RIOK1: variants seen among roughly 807,000 people sequenced by gnomAD.
The protein encoded by RIOK1 is RIO kinase 1.
A neutral mutation model predicts 73.5 loss-of-function variants in RIOK1; 66 were observed. The ratio of observed to expected loss-of-function variants is 0.90; its 90% CI spans 0.74 to 1.10. The LOEUF is 1.10. RIOK1 is among the 50% of genes least tolerant of loss of function. The probability of loss-of-function intolerance (pLI) is 0.00; values close to 1 mark genes in which losing one functional copy is unlikely to be tolerated. For missense variants in RIOK1, 658 were observed against 699.8 expected, an observed-to-expected ratio of 0.94 and a Z score of 0.67; for synonymous variants, 224 against 226.8, an observed-to-expected ratio of 0.99 and a Z score of 0.11.
Position 7,400,035 on chromosome 6 carries a change from G to A in RIOK1, c.481-923G>A, listed in dbSNP as rs935836409. Among the ~76,000 whole-genome samples, 6 of 152,198 alleles carry A rather than the reference G, an allele frequency of 3.9e-5. No individual in the cohort carries two copies. The East Asian group carries it at 1.2e-3, about 29-fold the overall frequency. On this transcript the variant is annotated intron_variant, in intron 5 of 16. Transcript: ENST00000379834. ...TTATTGGTTGGTATCCTTAGAAATT[G>A]CATACAAATATTTGGCTGCTTTAGT...
chr6:7,411,637 G>C (rs1761885031), intron 14 of RIOK1, 186 bp downstream of exon 14: 1 of 558,354 alleles, frequency 1.8e-6, no homozygotes, highest in Admixed American at 3.4e-5. Context: ...TGGAATTTAT[G>C]AGAGGAGGTA....
chr6:7,404,048 AT>A, intron 9 of RIOK1, 21 bp downstream of exon 9: 1 of 1,473,774 alleles, frequency 6.8e-7, no homozygotes, highest in Non-Finnish European at 9.5e-7. Flanking sequence ...GGAAGGGCTA[AT>A]AATTGCATTC....
At chr6:7,396,510 C>G (rs1477996985) in intron 3 of RIOK1, among the ~76,000 whole-genome samples, 193 bp from the exon 4 acceptor site, 1 of 152,070 alleles carries the variant, frequency 6.6e-6, no homozygotes, top group South Asian at 2.1e-4. Context: ...GTGACACTTA[C>G]GAAGGAAACG....
intron 8 of RIOK1, 22 bp downstream of exon 8, chr6:7,402,919 A>G (rs1275787665): frequency 2.5e-6 from 4 of 1,607,016 alleles, no homozygotes; most frequent in Admixed American, 1.7e-5. Flanking sequence ...GGATGTGTGT[A>G]TGTCTGTCCT....
chr6:7,393,162 C>G lies in RIOK1; in HGVS notation c.135C>G (p.Asp45Glu). 11 of 1,613,222 alleles carry G rather than the reference C, an allele frequency of 6.8e-6. No individual in the cohort carries two copies. Among genetic ancestry groups the G allele is most frequent in the Non-Finnish European group, 8.5e-6 (10 of 1,179,490 alleles). The change falls in exon 2 of 17, where the codon GAC (aspartate) becomes GAG (glutamate). Residue 45 changes from aspartate (D) to glutamate (E), a missense_variant. Asp to Glu is a conservative substitution (Grantham distance 45). Coordinates refer to ENST00000379834, the MANE Select transcript of RIOK1 (RefSeq NM_031480.3). ...ACATTCTGTTTGAAGACCTTCAAGA[C>G]AATGTGAATGAGAATGGTGAAGGTG... is the stretch of plus-strand genomic sequence containing the variant. ...KDDILFEDLQ[D>E]NVNENGEGEI...
chr6:7,395,314 G>C (rs1761446296), intron 3 of RIOK1, among the ~76,000 whole-genome samples, 171 bp downstream of exon 3: 1 of 152,170 alleles, frequency 6.6e-6, no homozygotes, highest in South Asian at 2.1e-4. Context: ...AGGAGTTTGA[G>C]ACCAGCCTGA....
At chr6:7,415,042 C>A (rs1341059048) in intron 16 of RIOK1, among the ~76,000 whole-genome samples, 1 of 152,116 alleles carries the variant, frequency 6.6e-6, no homozygotes. Flanking sequence ...GCAAGTAACC[C>A]TTACTTTGCT....
At chr6:7,405,068 G>C (rs572546912) in intron 11 of RIOK1, 47 bp downstream of exon 11, 1 of 1,494,970 alleles carries the variant, frequency 6.7e-7, no homozygotes, top group Non-Finnish European at 9.3e-7. Context: ...GTCTGTTTTG[G>C]TTTTGTACTC....
At chr6:7,404,312 C>A in intron 9 of RIOK1, 106 bp from the exon 10 acceptor site, 1 of 1,291,014 alleles carries the variant, frequency 7.7e-7, no homozygotes, top group Non-Finnish European at 1.1e-6. Flanking sequence ...GATTGTCCCA[C>A]ATACAGCTCA....
In RIOK1 at chr6:7,402,053, TC is replaced by T. The variant is rs1388332214; in HGVS notation, c.574-546del. 3.9e-5 allele frequency among the ~76,000 whole-genome samples: 6 copies of T among 152,332 alleles called. No individual in the cohort carries two copies. In the East Asian group the frequency reaches 1.2e-3, roughly 29 times the overall value. On this transcript the variant is annotated intron_variant, in intron 6 of 16. Coordinates refer to ENST00000379834, the MANE Select transcript of RIOK1 (RefSeq NM_031480.3). The stretch of plus-strand genomic sequence containing the variant: ...ATATAAAAAAGTTTGAAACCACTTC[TC>T]CCCTATATTTAAATTGGATTTTACT...
chr6:7,406,144 A>G (rs918538775), intron 12 of RIOK1, among the ~76,000 whole-genome samples: 3 of 151,930 alleles, frequency 2.0e-5, no homozygotes, highest in African/African-American at 7.2e-5. Flanking sequence ...CTACAGGCAC[A>G]CGCCACCACA....
intron 1 of RIOK1, among the ~76,000 whole-genome samples, chr6:7,390,596 A>G (rs1307286469): frequency 1.3e-5 from 2 of 152,202 alleles, no homozygotes. Context: ...CCAGATTTGA[A>G]TGACAAGGAG....
intron 4 of RIOK1, among the ~76,000 whole-genome samples, 197 bp from the exon 5 acceptor site, chr6:7,398,501 A>T (rs1285624657): frequency 1.3e-5 from 2 of 152,238 alleles, no homozygotes; most frequent in Non-Finnish European, 2.9e-5. Context: ...TTGCCAAAAT[A>T]CAGAATTGAA....
At chr6:7,414,189 C>G (rs1444790698) in intron 15 of RIOK1, 49 bp from the exon 16 acceptor site, 2 of 1,520,562 alleles carry the variant, frequency 1.3e-6, no homozygotes, top group East Asian at 2.3e-5. Flanking sequence ...CAACACATAA[C>G]TTGGTTTGTG....
intron 16 of RIOK1, 54 bp downstream of exon 16, chr6:7,414,444 T>C: frequency 2.1e-6 from 3 of 1,463,264 alleles, no homozygotes; most frequent in Non-Finnish European, 2.8e-6. Flanking sequence ...CAGCCGCTCT[T>C]ATTTCTCTTT....
chr6:7,406,879 C>T (rs1269467756), intron 12 of RIOK1, among the ~76,000 whole-genome samples: 10 of 152,192 alleles, frequency 6.6e-5, no homozygotes, highest in African/African-American at 2.4e-4. Context: ...CCAGGCTGGT[C>T]TCCAACTCCT....
intron 2 of RIOK1, 24 bp from the exon 3 acceptor site, chr6:7,395,029 T>G (rs777390484): frequency 6.2e-7 from 1 of 1,612,668 alleles, no homozygotes; most frequent in South Asian, 1.1e-5. Flanking sequence ...AGCTAGTGCC[T>G]TAGACTCTGG....
rs1367581125 is a variant in RIOK1 at position 7,400,968 on chromosome 6, C to T, written c.491C>T (p.Pro164Leu). 8 of 1,605,574 alleles carry T rather than the reference C, an allele frequency of 5.0e-6. No individual in the cohort carries two copies. Among genetic ancestry groups the T allele is most frequent in the Non-Finnish European group, 6.8e-6 (8 of 1,175,064 alleles). ...TGCATTTCTTTTTAGGTGTTGGATC[C>T]CAGAACAAGAATGATTTTATTCAAG... is the stretch of plus-strand genomic sequence containing the variant. Reference protein sequence around the residue: ...DRATVEQVLDPRTRMILFKML... With the variant: ...DRATVEQVLDLRTRMILFKML... Residue 164 changes from proline (P) to leucine (L), a missense_variant, in exon 6 of 17, where the codon CCC (proline) becomes CTC (leucine). Physicochemically the swap from Pro to Leu is moderately conservative, Grantham distance 98. Coordinates refer to ENST00000379834, the MANE Select transcript of RIOK1 (RefSeq NM_031480.3).
chr6:7,398,523 A>G (rs979189160), intron 4 of RIOK1, among the ~76,000 whole-genome samples, 175 bp from the exon 5 acceptor site: 1 of 152,194 alleles, frequency 6.6e-6, no homozygotes, highest in Non-Finnish European at 1.5e-5. Context: ...TTTGGTATTC[A>G]GGGGAAATGA....
Sources: allele counts gnomAD v4.1 joint callset (sites outside exome capture counted in the v4.1 genomes callset), GRCh38; gene constraint gnomAD v4.1.1; transcripts MANE v1.5; gene names NCBI Gene and HGNC (gene_info 2026-07-23, HGNC 2026-07-21).